The following FHAD1 variants were observed in gnomAD, a reference collection of about 807,000 sequenced individuals.
The protein encoded by FHAD1 is forkhead associated phosphopeptide binding domain 1, also known as forkhead-associated domain-containing protein 1.
A neutral mutation model predicts 191.3 loss-of-function variants in FHAD1; 146 were observed. That is an observed-to-expected ratio of 0.76 (90% CI 0.67 to 0.88). FHAD1 has a LOEUF of 0.88. FHAD1 is among the 40% of genes least tolerant of loss of function. The probability of loss-of-function intolerance (pLI) is 0.00; values close to 1 mark genes in which losing one functional copy is unlikely to be tolerated. For synonymous variants in FHAD1, 616 were observed against 672.3 expected, an observed-to-expected ratio of 0.92 and a Z score of 1.29; for missense variants, 1,635 against 1,785.8, an observed-to-expected ratio of 0.92 and a Z score of 1.52.
At chr1:15,246,795 A>C (rs1646094992), upstream of FHAD1, among the ~76,000 whole-genome samples, 1 of 151,680 alleles carries the variant, frequency 6.6e-6, no homozygotes, top group Non-Finnish European at 1.5e-5. Context: ...CCCAATCCCC[A>C]CCCCACTCCC....
Position 15,289,644 on chromosome 1 carries a change from C to T in FHAD1, c.546C>T (p.Arg182=), listed in dbSNP as rs1290686111. The change falls in exon 4 of 34, where the codon CGC becomes CGT. Residue 182 remains arginine, a synonymous_variant. Transcript: ENST00000688493. This position sits in a 1 kb window ranked among gnomAD's most constrained non-coding sequence, Gnocchi z 4.2. ...EMFSFVVDDA[R]KPPVIKQVWT... ...TCTCGTTCGTGGTGGACGACGCCCG[C>T]AAGCCACCCGTCATCAAGCAAGGTA... 1.9e-6 allele frequency: 3 copies of T among 1,549,056 alleles called. No homozygotes were observed. The highest frequency in any genetic ancestry group is 2.6e-6 in the Non-Finnish European group (3 of 1,144,872).
At chr1:15,339,121 A>G (rs1685488996) in intron 14 of FHAD1, among the ~76,000 whole-genome samples, 1 of 152,036 alleles carries the variant, frequency 6.6e-6, no homozygotes, top group Admixed American at 6.6e-5. Flanking sequence ...GTTTCAAGCG[A>G]TTCTCATGCC....
chr1:15,320,136 A>G (rs1675796372), intron 10 of FHAD1, among the ~76,000 whole-genome samples: 1 of 152,136 alleles, frequency 6.6e-6, no homozygotes, highest in African/African-American at 2.4e-5. Context: ...CTTATTTCCT[A>G]ATTTCTAAAT....
At chr1:15,271,854 TG>T (rs1483222714) in intron 2 of FHAD1, among the ~76,000 whole-genome samples, 4 of 152,196 alleles carry the variant, frequency 2.6e-5, no homozygotes, top group Non-Finnish European at 5.9e-5. Context: ...GGGCCATTTT[TG>T]CCTCCTGTCC....
At chr1:15,370,676 G>A (rs750185789) in intron 26 of FHAD1, among the ~76,000 whole-genome samples, 9 of 152,280 alleles carry the variant, frequency 5.9e-5, no homozygotes, top group Admixed American at 2.6e-4. Context: ...TCATTGGGCC[G>A]CCCTGGAAGC....
intron 22 of FHAD1, among the ~76,000 whole-genome samples, chr1:15,361,788 C>G (rs984204605): frequency 6.6e-6 from 1 of 151,548 alleles, no homozygotes; most frequent in Non-Finnish European, 1.5e-5. Context: ...CGGCGGATCA[C>G]TAGGCCAAGA....
At chr1:15,261,605 G>C (rs1030198792) in intron 2 of FHAD1, among the ~76,000 whole-genome samples, 3 of 152,156 alleles carry the variant, frequency 2.0e-5, no homozygotes, top group Non-Finnish European at 4.4e-5. Flanking sequence ...GGACTTGCCT[G>C]CTTCTCAAGA....
intron 5 of FHAD1, among the ~76,000 whole-genome samples, chr1:15,300,509 G>C (rs1383679831): frequency 6.6e-6 from 1 of 152,224 alleles, no homozygotes; most frequent in Non-Finnish European, 1.5e-5. Flanking sequence ...TGGTTGAATA[G>C]AGTCATTTCC....
At chr1:15,243,443 C>T (rs532732885), upstream of FHAD1, among the ~76,000 whole-genome samples, 33 of 152,322 alleles carry the variant, frequency 2.2e-4, no homozygotes, top group African/African-American at 7.9e-4. Context: ...TCTTTCATGC[C>T]ATAGAGGCTG....
At chr1:15,401,242 A>G (rs955261128), downstream of FHAD1, among the ~76,000 whole-genome samples, 1 of 152,226 alleles carries the variant, frequency 6.6e-6, no homozygotes, top group Non-Finnish European at 1.5e-5. Context: ...CTTGGACATC[A>G]GGAGCTGGCT....
chr1:15,265,832 G>A (rs1355708822), intron 2 of FHAD1, among the ~76,000 whole-genome samples: 1 of 151,834 alleles, frequency 6.6e-6, no homozygotes, highest in Non-Finnish European at 1.5e-5. Context: ...TTAGCTGGAT[G>A]TGGTGGTGTG....
rs1679536777 is a variant in FHAD1 at position 15,328,040 on chromosome 1, AAAAAAAAGAAAAG to A, written c.1558-230_1558-218del. ...AAGAGTGAAACTCCGTCGCAAAAAA[AAAAAAAAGAAAAG>A]AAAAAAGAAAAGAGAATCTCTGATT... is the stretch of plus-strand genomic sequence containing the variant. On this transcript the variant is annotated intron_variant, in intron 12 of 33. Coordinates refer to ENST00000688493, the MANE Select transcript of FHAD1 (RefSeq NM_001391957.1). The A allele has an allele frequency of 3.2e-5, 8 of 250,370 alleles. No individual in the cohort carries two copies. The South Asian group carries it at 1.1e-3, about 33-fold the overall frequency. 15.5% of individuals were successfully genotyped at this position (250,370 alleles called of 1,614,324 possible). A position where few individuals can be genotyped will look rare whatever the true frequency, so the allele number is the denominator to read the frequency against.
Position 15,251,765 on chromosome 1 carries a change from A to G in FHAD1, c.-14-6A>G. ...TAACAAAATTCTTTCTGAAAACCTTATGTAGGGAAAACAGAGAGGATGAAG... is the reference window on the plus strand; with the variant it reads ...TAACAAAATTCTTTCTGAAAACCTTGTGTAGGGAAAACAGAGAGGATGAAG... On this transcript the variant is annotated splice_region_variant and splice_polypyrimidine_tract_variant and intron_variant, in intron 1 of 33. Transcript: ENST00000688493. 1 of 1,542,146 alleles carries G rather than the reference A, an allele frequency of 6.5e-7. No homozygotes were observed. The highest frequency in any genetic ancestry group is 8.7e-7 in the Non-Finnish European group (1 of 1,143,628).
rs759761604 is a variant in FHAD1, at chr1:15,316,049, G to A, written c.1171-329G>A. Among the ~76,000 whole-genome samples, 7 of 152,240 alleles carry A rather than the reference G, an allele frequency of 4.6e-5. No individual in the cohort carries two copies. Among genetic ancestry groups the A allele is most frequent in the African/African-American group, 9.6e-5 (4 of 41,474 alleles). On this transcript the variant is annotated intron_variant, in intron 8 of 33. Transcript: ENST00000688493. This position sits in a 1 kb window ranked among gnomAD's most constrained non-coding sequence, Gnocchi z 4.3. ...GAAGCACTGAGAGCCGTCCAGGCTC[G>A]CTAGTGGCCCTCCAAGGACATCCGT...
In FHAD1 at chr1:15,360,940, G is replaced by A. The variant is rs545095746; in HGVS notation, c.2962+237G>A. The stretch of plus-strand genomic sequence containing the variant: ...ATCCTTTGTGCCTACTCAGTGAGCC[G>A]GCGAGACACACAGGCTACCGGGGCT... On this transcript the variant is annotated intron_variant, in intron 22 of 33. Transcript: ENST00000688493. 6.6e-5 allele frequency among the ~76,000 whole-genome samples: 10 copies of A among 152,282 alleles called. No homozygotes were observed. In the East Asian group the frequency reaches 1.5e-3, roughly 23 times the overall value.
chr1:15,328,888 A>G (rs991110750), intron 13 of FHAD1: 1 of 162,532 alleles, frequency 6.2e-6, no homozygotes, highest in African/African-American at 2.4e-5. Context: ...ATGGCTTATC[A>G]GAGCAGGCGG....
At chr1:15,400,999 C>G (rs1383096203), downstream of FHAD1, among the ~76,000 whole-genome samples, 1 of 152,222 alleles carries the variant, frequency 6.6e-6, no homozygotes, top group Non-Finnish European at 1.5e-5. Flanking sequence ...CCAGCTGACC[C>G]AGAAGAAAGT....
At chr1:15,345,586 T>G in intron 18 of FHAD1, 63 bp downstream of exon 18, 5 of 1,304,918 alleles carry the variant, frequency 3.8e-6, no homozygotes, top group African/African-American at 1.5e-5. Context: ...TGGAAGGAAG[T>G]TCAGAGCGGC....
At chr1:15,356,718 A>C (rs1227233928) in intron 20 of FHAD1, among the ~76,000 whole-genome samples, 3 of 152,050 alleles carry the variant, frequency 2.0e-5, no homozygotes. Flanking sequence ...CTAAAAATAC[A>C]AAAATTAGCC....
Sources: allele counts gnomAD v4.1 joint callset (sites outside exome capture counted in the v4.1 genomes callset), GRCh38; gene constraint gnomAD v4.1.1; non-coding constraint Gnocchi (gnomAD v3.1); transcripts MANE v1.5; gene names NCBI Gene and HGNC (gene_info 2026-07-23, HGNC 2026-07-21).